Variants in GMNC observed in about 807,000 individuals in gnomAD.
GMNC encodes geminin coiled-coil domain-containing protein 1.
Under a neutral mutation model 33.6 loss-of-function variants are expected in GMNC, and 16 were observed. That is an observed-to-expected ratio of 0.48 (90% CI 0.32 to 0.72). The LOEUF (loss-of-function observed/expected upper bound fraction) is 0.72, where lower values mean the gene tolerates loss of function less well. Ranked by LOEUF, GMNC falls within the 30% of genes least tolerant of loss-of-function variation. The pLI, the probability that GMNC is intolerant of heterozygous loss-of-function variation, is 0.03. For synonymous variants in GMNC, 156 were observed against 147.3 expected, an observed-to-expected ratio of 1.06 and a Z score of -0.43; for missense variants, 393 against 388.9, an observed-to-expected ratio of 1.01 and a Z score of -0.09.
chr3:190,850,408 C>T (rs1389761911), downstream of GMNC, among the ~76,000 whole-genome samples: 2 of 152,206 alleles, frequency 1.3e-5, no homozygotes, highest in African/African-American at 4.8e-5. Context: ...AAAAACCGGA[C>T]TGCTGGTTCC....
chr3:190,850,982 C>A (rs990676568), downstream of GMNC, among the ~76,000 whole-genome samples: 1 of 151,126 alleles, frequency 6.6e-6, no homozygotes, highest in African/African-American at 2.4e-5. Context: ...AAAAAAAATA[C>A]CACTGTAAGA....
intron 2 of GMNC, among the ~76,000 whole-genome samples, chr3:190,860,249 C>A (rs1181390307): frequency 6.6e-6 from 1 of 152,230 alleles, no homozygotes; most frequent in Non-Finnish European, 1.5e-5. Flanking sequence ...TTCTAACACA[C>A]TATCCATGGA....
At chr3:190,843,612 C>T in the GMNC span, among the ~76,000 whole-genome samples, 1 of 152,116 alleles carries the variant, frequency 6.6e-6, no homozygotes, top group Non-Finnish European at 1.5e-5. Context: ...CAGGCTCCCT[C>T]CCACACAGCA....
intron 1 of GMNC, 72 bp from the exon 2 acceptor site, chr3:190,860,930 G>T (rs1166024860): frequency 5.4e-6 from 6 of 1,110,356 alleles, no homozygotes; most frequent in Non-Finnish European, 7.6e-6. Flanking sequence ...AGGGGGAAAG[G>T]GTGGGAGAAA....
intron 4 of GMNC, 102 bp from the exon 5 acceptor site, chr3:190,856,017 T>C (rs768857363): frequency 1.2e-6 from 1 of 836,114 alleles, no homozygotes; most frequent in Non-Finnish European, 1.8e-6. Context: ...ACAAGTAAGA[T>C]GGATTGGATT....
In GMNC at chr3:190,855,597, T is replaced by C. The variant is rs192117780; in HGVS notation, c.703A>G (p.Asn235Asp). The C allele has an allele frequency of 6.4e-7, 1 of 1,551,400 alleles. No individual in the cohort carries two copies. The highest frequency in any genetic ancestry group is 1.4e-5 in the African/African-American group (1 of 73,008). ...ATTGGCATATCCTCTCTGGGGATAT[T>C]TTTATAATCAACTGCATCATCCGGA... ...QFPDDAVDYKNIPREDMPIDY... is the reference protein window; with the variant it reads ...QFPDDAVDYKDIPREDMPIDY... Residue 235 changes from asparagine to aspartate, a missense_variant, in exon 5 of 5, where the codon AAT (asparagine) becomes GAT (aspartate). Physicochemically the swap from Asn to Asp is conservative, Grantham distance 23. Coordinates refer to ENST00000442080, the MANE Select transcript of GMNC (RefSeq NM_001146686.3).
Position 190,858,032 on chromosome 3 carries a change from A to G in GMNC, c.268-133T>C, listed in dbSNP as rs1737784802. Reference sequence around the variant, plus strand: ...ATGAACACAAGCACAGGGAGCCCTCATCCTGAGAGGCCTAAATTAAATCTA... The same window carrying G: ...ATGAACACAAGCACAGGGAGCCCTCGTCCTGAGAGGCCTAAATTAAATCTA... On this transcript the variant is annotated intron_variant, in intron 3 of 4. Coordinates refer to ENST00000442080, the MANE Select transcript of GMNC (RefSeq NM_001146686.3). 6 of 629,544 alleles carry G rather than the reference A, an allele frequency of 9.5e-6. No homozygotes were observed. The East Asian group carries it at 1.1e-4, about 11-fold the overall frequency. 39.0% of individuals were successfully genotyped at this position (629,544 alleles called of 1,614,324 possible). A position where few individuals can be genotyped will look rare whatever the true frequency, so the allele number is the denominator to read the frequency against.
At chr3:190,852,043 T>A (rs1406891617), downstream of GMNC, among the ~76,000 whole-genome samples, 3 of 152,122 alleles carry the variant, frequency 2.0e-5, no homozygotes, top group East Asian at 1.9e-4. Context: ...TATTTGTAGC[T>A]TGAAAACAAA....
Position 190,855,266 on chromosome 3 carries a change from G to C in GMNC, c.*29C>G. 6.5e-7 allele frequency: 1 copy of C among 1,545,094 alleles called. No individual in the cohort carries two copies. The highest frequency in any genetic ancestry group is 1.2e-5 in the South Asian group (1 of 83,410). On this transcript the variant is annotated 3_prime_UTR_variant, in exon 5 of 5. Coordinates refer to ENST00000442080, the MANE Select transcript of GMNC (RefSeq NM_001146686.3). ...AGAGGTCTTTGTAAACAGAGTTCGT[G>C]GCAGTGCTTTGTGATAAAAGAGGGG...
At chr3:190,850,022 AT>A (rs550851213), downstream of GMNC, among the ~76,000 whole-genome samples, 256 of 152,262 alleles carry the variant, frequency 1.7e-3, no homozygotes, top group Middle Eastern at 3.4e-3. Context: ...CTTTATTTGA[AT>A]TTTTTTGTTT....
At chr3:190,851,694 CT>C (rs1467711950), downstream of GMNC, among the ~76,000 whole-genome samples, 3 of 151,812 alleles carry the variant, frequency 2.0e-5, no homozygotes, top group African/African-American at 7.3e-5. Flanking sequence ...AATTGACATG[CT>C]TTTTTTTCTG....
At chr3:190,846,290 GTAAT>G in the GMNC span, among the ~76,000 whole-genome samples, 2 of 152,008 alleles carry the variant, frequency 1.3e-5, no homozygotes, top group Non-Finnish European at 1.5e-5. Context: ...ATATGAAGAG[GTAAT>G]TAGTTAAATA....
chr3:190,853,621 C>G lies in GMNC; in HGVS notation c.*1674G>C, dbSNP rs1175599330. ...CTGTTACAAAGAATCCTAACCAACA[C>G]AGTTGACCTACGAGATATTGATTGT... is the stretch of plus-strand genomic sequence containing the variant. On this transcript the variant is annotated 3_prime_UTR_variant, in exon 5 of 5. Coordinates refer to ENST00000442080, the MANE Select transcript of GMNC (RefSeq NM_001146686.3). 1 of 151,996 alleles carries G rather than the reference C, an allele frequency of 6.6e-6. No individual in the cohort carries two copies. The highest frequency in any genetic ancestry group is 2.4e-5 in the African/African-American group (1 of 41,396). 9.4% of individuals were successfully genotyped at this position (151,996 alleles called of 1,614,324 possible).
Position 190,858,971 on chromosome 3 carries a change from C to A in GMNC, c.224G>T (p.Trp75Leu), listed in dbSNP as rs1034674265. ...CTGAGAGGAAAGCTGAGCCTCTTCC[C>A]ATGAGCACAAGTCCGGAAGAGGAAA... ...SNFPLPDLCS[W>L]EEAQLSSQLY... The change falls in exon 3 of 5, where the codon TGG (tryptophan) becomes TTG (leucine). Residue 75 changes from tryptophan to leucine, a missense_variant. Physicochemically the swap from Trp to Leu is moderately conservative, Grantham distance 61 (BLOSUM62 -2). Coordinates refer to ENST00000442080, the MANE Select transcript of GMNC (RefSeq NM_001146686.3). 1.3e-6 allele frequency: 2 copies of A among 1,550,476 alleles called. No homozygotes were observed. The highest frequency in any genetic ancestry group is 2.7e-5 in the African/African-American group (2 of 73,010).
the GMNC span, among the ~76,000 whole-genome samples, chr3:190,847,709 C>G: frequency 7.1e-6 from 1 of 141,482 alleles, no homozygotes; most frequent in Non-Finnish European, 1.5e-5. Context: ...TCACATGACT[C>G]TCTTGCATAC....
downstream of GMNC, among the ~76,000 whole-genome samples, chr3:190,852,638 A>G (rs56304862): frequency 6.6e-6 from 1 of 152,098 alleles, no homozygotes; most frequent in Non-Finnish European, 1.5e-5. Flanking sequence ...AAGGGAAAGA[A>G]CCATCAAGCC....
At chr3:190,847,851 C>G (rs1435078548), downstream of GMNC, among the ~76,000 whole-genome samples, 1 of 152,144 alleles carries the variant, frequency 6.6e-6, no homozygotes, top group Non-Finnish European at 1.5e-5. Flanking sequence ...TATACTCTCC[C>G]TAGTCCTCAT....
At chr3:190,850,274 G>C (rs1737612836), downstream of GMNC, among the ~76,000 whole-genome samples, 1 of 152,232 alleles carries the variant, frequency 6.6e-6, no homozygotes, top group African/African-American at 2.4e-5. Flanking sequence ...CTGACAGCCT[G>C]TTGACTGTAA....
chr3:190,861,646 T>C lies in GMNC; in HGVS notation c.4-788A>G, dbSNP rs1179877371. On this transcript the variant is annotated intron_variant, in intron 1 of 4. Coordinates refer to ENST00000442080, the MANE Select transcript of GMNC (RefSeq NM_001146686.3). The surrounding 1 kb of genome is among the most constrained non-coding windows in gnomAD (Gnocchi z 5.1). ...AGCAAGCTCTAGTTCTGTCCATCAC[T>C]AGGGCTCAGTGCCCCTCCAAAGTTA... is the stretch of plus-strand genomic sequence containing the variant. Among the ~76,000 whole-genome samples, 2 of 152,200 alleles carry C rather than the reference T, an allele frequency of 1.3e-5. No individual in the cohort carries two copies. Among genetic ancestry groups the C allele is most frequent in the African/African-American group, 2.4e-5 (1 of 41,458 alleles).
Sources: gnomAD v4.1 joint callset for allele counts (sites outside exome capture counted in the v4.1 genomes callset) on GRCh38, gnomAD v4.1.1 for gene constraint, Gnocchi (gnomAD v3.1) non-coding constraint, MANE v1.5 for transcripts, NCBI Gene and HGNC (gene_info 2026-07-23, HGNC 2026-07-21) for gene names.